The following SYTL5 variants were observed in gnomAD, a reference collection of about 807,000 sequenced individuals.
SYTL5 encodes synaptotagmin like 5.
A neutral mutation model predicts 55.9 loss-of-function variants in SYTL5; 34 were observed. The ratio of observed to expected loss-of-function variants is 0.61; its 90% CI spans 0.46 to 0.81. The LOEUF is 0.81. Among genes scored for constraint, SYTL5 ranks in the 30% least tolerant of loss-of-function variants. SYTL5 has a pLI of 0.00. For synonymous variants in SYTL5, 221 were observed against 188.7 expected (o/e 1.17, Z -1.40); for missense variants, 637 against 546.7 (o/e 1.17, Z -1.65).
At chrX:37,987,378 G>A in the SYTL5 span, among the ~76,000 whole-genome samples, 3 of 111,981 alleles carry the variant, frequency 2.7e-5, no homozygotes. Context: ...AGTCCAAAAT[G>A]TCAATAGTGC....
chrX:37,937,168 T>C, the SYTL5 span, among the ~76,000 whole-genome samples: 3 of 110,779 alleles, frequency 2.7e-5, no homozygotes, highest in African/African-American at 9.9e-5. Flanking sequence ...AAATTTGTGA[T>C]TGAGTCTTGA....
chrX:37,994,748 AAGG>A, the SYTL5 span: 12 of 106,222 alleles, frequency 1.1e-4, no homozygotes, highest in East Asian at 6.0e-4. Context: ...TGATGGGGGG[AAGG>A]AGGAGGAGGA....
rs191446446 is a variant in SYTL5, at chrX:38,027,315, C to A, written c.-356-6219C>A. ...ATTAGAAGGCTTTCCATGAACTGGGCAACTGTTGGAAACAAGCTGATATGG... is the reference window on the plus strand; with the variant it reads ...ATTAGAAGGCTTTCCATGAACTGGGAAACTGTTGGAAACAAGCTGATATGG... On this transcript the variant is annotated intron_variant, in intron 1 of 16. Transcript: ENST00000297875. Among the ~76,000 whole-genome samples, 3 of 112,228 alleles carry A rather than the reference C, an allele frequency of 2.7e-5. No homozygotes were observed. The East Asian group carries it at 8.3e-4, about 31-fold the overall frequency.
the SYTL5 span, among the ~76,000 whole-genome samples, chrX:37,971,289 A>G: frequency 9.0e-6 from 1 of 110,901 alleles, no homozygotes; most frequent in Non-Finnish European, 1.9e-5. Flanking sequence ...ACATTTGTGT[A>G]TTAAAAGCAA....
In SYTL5 at chrX:38,036,750, C is replaced by T. The variant is rs187803773; in HGVS notation, c.119+2742C>T. Among the ~76,000 whole-genome samples the T allele has an allele frequency of 1.0e-3, 112 of 111,953 alleles. 1 individual carries two copies. Among genetic ancestry groups the T allele is most frequent in the African/African-American group, 3.1e-3 (96 of 30,825 alleles). ...ACAGCCAGAGTTCAAATCTTACTTT[C>T]GGCATGAAATATCTGTATCATTTTA... On this transcript the variant is annotated intron_variant, in intron 2 of 16. Transcript: ENST00000297875.
At chrX:37,921,383 A>T in the SYTL5 span, among the ~76,000 whole-genome samples, 1 of 111,092 alleles carries the variant, frequency 9.0e-6, no homozygotes, top group African/African-American at 3.3e-5. Flanking sequence ...GGAAGAAATT[A>T]CAGATCCGGG....
upstream of SYTL5, among the ~76,000 whole-genome samples, chrX:38,004,281 G>A (rs1933933844): frequency 9.0e-6 from 1 of 111,598 alleles, no homozygotes; most frequent in African/African-American, 3.3e-5. Context: ...ATGTGCTAGA[G>A]AGGTTTCCCA....
the SYTL5 span, among the ~76,000 whole-genome samples, chrX:37,981,366 G>A: frequency 9.0e-6 from 1 of 111,463 alleles, no homozygotes; most frequent in Non-Finnish European, 1.9e-5. Flanking sequence ...CGCGATCACA[G>A]CTTAATGCAG....
intron 13 of SYTL5, among the ~76,000 whole-genome samples, chrX:38,112,803 G>A (rs1009118441): frequency 1.8e-5 from 2 of 111,700 alleles, no homozygotes; most frequent in South Asian, 3.8e-4. Flanking sequence ...TTCCTGCCTC[G>A]GTCATTTCCA....
the SYTL5 span, among the ~76,000 whole-genome samples, chrX:37,911,858 C>T: frequency 4.5e-5 from 5 of 111,748 alleles, no homozygotes; most frequent in African/African-American, 1.6e-4. Flanking sequence ...TTATGATTTT[C>T]TATTTGCTTA....
At chrX:37,981,364 C>T in the SYTL5 span, among the ~76,000 whole-genome samples, 8 of 111,394 alleles carry the variant, frequency 7.2e-5, no homozygotes, top group African/African-American at 2.6e-4. Flanking sequence ...GGCGCGATCA[C>T]AGCTTAATGC....
intron 13 of SYTL5, among the ~76,000 whole-genome samples, chrX:38,113,851 C>T (rs1273056244): frequency 9.0e-6 from 1 of 111,268 alleles, no homozygotes; most frequent in Non-Finnish European, 1.9e-5. Context: ...ATTTAAGTCT[C>T]CTGGGGGTGA....
intron 6 of SYTL5, among the ~76,000 whole-genome samples, chrX:38,083,077 C>T (rs1602378851): frequency 8.9e-6 from 1 of 111,875 alleles, no homozygotes; most frequent in Non-Finnish European, 1.9e-5. Flanking sequence ...AAACACTCCC[C>T]TTTTTTGTGT....
chrX:38,064,697 C>T (rs1165859989), intron 3 of SYTL5, among the ~76,000 whole-genome samples: 1 of 111,143 alleles, frequency 9.0e-6, no homozygotes, highest in African/African-American at 3.3e-5. Context: ...TTAAACCTTT[C>T]TGTGTCCATA....
chrX:37,999,716 T>C, the SYTL5 span, among the ~76,000 whole-genome samples: 57 of 112,056 alleles, frequency 5.1e-4, no homozygotes, highest in Non-Finnish European at 9.4e-4. Context: ...TCTTGAGGTA[T>C]ACAGTTATCA....
At chrX:38,044,956 T>C (rs1935413874) in intron 2 of SYTL5, among the ~76,000 whole-genome samples, 1 of 112,020 alleles carries the variant, frequency 8.9e-6, no homozygotes. Context: ...GGTATCAAAT[T>C]GCAGTGATTC....
the SYTL5 span, among the ~76,000 whole-genome samples, chrX:37,955,539 C>A: frequency 8.9e-6 from 1 of 111,919 alleles, no homozygotes; most frequent in African/African-American, 3.2e-5. Flanking sequence ...ATTAGATGAA[C>A]ATTTTTTACT....
intron 10 of SYTL5, 96 bp from the exon 11 acceptor site, chrX:38,106,497 T>G: frequency 1.2e-6 from 1 of 806,341 alleles, no homozygotes; most frequent in Non-Finnish European, 1.7e-6. Flanking sequence ...ATGCTCATTA[T>G]AAAGAACAGG....
intron 3 of SYTL5, among the ~76,000 whole-genome samples, chrX:38,071,444 C>T (rs1446608347): frequency 8.9e-6 from 1 of 111,812 alleles, no homozygotes; most frequent in Non-Finnish European, 1.9e-5. Flanking sequence ...ATTGCCCTAG[C>T]ATGGGTGCCA....
Sources: gnomAD v4.1 joint callset for allele counts (sites outside exome capture counted in the v4.1 genomes callset) on GRCh38, gnomAD v4.1.1 for gene constraint, MANE v1.5 for transcripts, NCBI Gene and HGNC (gene_info 2026-07-23, HGNC 2026-07-21) for gene names.